Variants in KCNQ1 observed in about 807,000 individuals in gnomAD.
KCNQ1 encodes potassium voltage-gated channel subfamily KQT member 1.
A neutral mutation model predicts 72.4 loss-of-function variants in KCNQ1; 49 were observed. The ratio of observed to expected loss-of-function variants is 0.68; its 90% CI spans 0.54 to 0.86. The LOEUF is 0.86. Among genes scored for constraint, KCNQ1 ranks in the 40% least tolerant of loss-of-function variants. The pLI is 0.00. For missense variants in KCNQ1, 790 were observed against 945.1 expected (o/e 0.84, Z 2.15); for synonymous variants, 450 against 412.6 (o/e 1.09, Z -1.10).
chr11:2,841,720 G>A (rs1178622299), intron 15 of KCNQ1, among the ~76,000 whole-genome samples: 2 of 152,236 alleles, frequency 1.3e-5, no homozygotes, highest in African/African-American at 4.8e-5. Context: ...GGGAACGAGG[G>A]TCGTGTGGTG....
chr11:2,839,026 AG>A, intron 15 of KCNQ1, among the ~76,000 whole-genome samples: 1 of 151,808 alleles, frequency 6.6e-6, no homozygotes, highest in South Asian at 2.1e-4. Flanking sequence ...GCAGGTGGGC[AG>A]GTGGGCAGGT....
At chr11:2,506,862 T>G (rs1847113373) in intron 1 of KCNQ1, among the ~76,000 whole-genome samples, 1 of 152,244 alleles carries the variant, frequency 6.6e-6, no homozygotes, top group South Asian at 2.1e-4. Flanking sequence ...AAGTCATGTG[T>G]GTGTGTATTT....
chr11:2,660,167 T>G, intron 10 of KCNQ1: 1 of 398,350 alleles, frequency 2.5e-6, no homozygotes, highest in Non-Finnish European at 4.4e-6. Flanking sequence ...AGATATTTTA[T>G]GGTTTTATGT....
chr11:2,663,598 G>A lies in KCNQ1; in HGVS notation c.1514+1517G>A, dbSNP rs1362777296. On this transcript the variant is annotated intron_variant, in intron 11 of 15. Transcript: ENST00000155840. This position sits in a 1 kb window ranked among gnomAD's most constrained non-coding sequence, Gnocchi z 5.2. ...TCCTGTTGGAGCTCTCGCTCACCTTGGTTCTCTTGGTCACGGACCAGCATC... is the reference window on the plus strand; with the variant it reads ...TCCTGTTGGAGCTCTCGCTCACCTTAGTTCTCTTGGTCACGGACCAGCATC... 2.5e-6 allele frequency: 1 copy of A among 398,524 alleles called. No homozygotes were observed. The highest frequency in any genetic ancestry group is 2.1e-5 in the African/African-American group (1 of 48,616). 24.7% of individuals were successfully genotyped at this position (398,524 alleles called of 1,614,324 possible).
chr11:2,627,891 C>A lies in KCNQ1; in HGVS notation c.1394-34070C>A, dbSNP rs1359476363. On this transcript the variant is annotated intron_variant, in intron 10 of 15. Coordinates refer to ENST00000155840, the MANE Select transcript of KCNQ1 (RefSeq NM_000218.3). The surrounding 1 kb of genome is among the most constrained non-coding windows in gnomAD (Gnocchi z 4.9). ...TCAGCCTCCTGAGTAGCTGGGACCA[C>A]AGTCATGCACCCCCATGCCCAGCTA... 2.0e-5 allele frequency: 8 copies of A among 398,602 alleles called. No homozygotes were observed. The highest frequency in any genetic ancestry group is 3.1e-5 in the Non-Finnish European group (7 of 226,190). The allele number at this position is 398,602 out of a possible 1,614,324, so 24.7% of individuals were successfully genotyped here.
chr11:2,648,965 T>A (rs1182422630), intron 10 of KCNQ1: 1 of 394,104 alleles, frequency 2.5e-6, no homozygotes, highest in Non-Finnish European at 4.4e-6. Context: ...ACCTCCTTTG[T>A]CTCTTTTTTC....
At position 2,486,866 on chromosome 11, in the gene KCNQ1, A is replaced by T. The variant is rs939347598; in HGVS notation, c.387-41062A>T. 6.6e-6 allele frequency among the ~76,000 whole-genome samples: 1 copy of T among 152,156 alleles called. No individual in the cohort carries two copies. Among genetic ancestry groups the T allele is most frequent in the Non-Finnish European group, 1.5e-5 (1 of 68,014 alleles). On this transcript the variant is annotated intron_variant, in intron 1 of 15. Transcript: ENST00000155840. This position sits in a 1 kb window ranked among gnomAD's most constrained non-coding sequence, Gnocchi z 5.0. ...CAGCACCCACCAGGCCCCACCTCCA[A>T]CGCTGGGGATCACATTTCAACATGA...
intron 12 of KCNQ1, among the ~76,000 whole-genome samples, chr11:2,775,238 G>T (rs1190424859): frequency 1.3e-5 from 2 of 152,214 alleles, no homozygotes; most frequent in Non-Finnish European, 2.9e-5. Context: ...GATATCATGA[G>T]ATGCTTTGTT....
At position 2,500,714 on chromosome 11, in the gene KCNQ1, G is replaced by C. The variant is rs898266536; in HGVS notation, c.387-27214G>C. ...CAGCCATAAAAAAAGATGAGTTTAT[G>C]TTCTTTTCAGGGACACGGATGAAGC... On this transcript the variant is annotated intron_variant, in intron 1 of 15. Coordinates refer to ENST00000155840, the MANE Select transcript of KCNQ1 (RefSeq NM_000218.3). 2.0e-5 allele frequency among the ~76,000 whole-genome samples: 3 copies of C among 152,228 alleles called. No individual in the cohort carries two copies. In the South Asian group the frequency reaches 6.2e-4, roughly 32 times the overall value.
chr11:2,700,095 G>A (rs889164219), intron 11 of KCNQ1: 51 of 397,678 alleles, frequency 1.3e-4, no homozygotes, highest in Admixed American at 3.5e-4. Context: ...GGCTTGCGGC[G>A]GGCTGCTGCA....
chr11:2,633,876 C>T, intron 10 of KCNQ1: 1 of 398,546 alleles, frequency 2.5e-6, no homozygotes, highest in Non-Finnish European at 4.4e-6. Context: ...AAATGTCAGT[C>T]ATCTGTATAC....
At chr11:2,648,994 T>C in intron 10 of KCNQ1, 1 of 393,960 alleles carries the variant, frequency 2.5e-6, no homozygotes, top group Non-Finnish European at 4.4e-6. Context: ...TTTTTTTTTT[T>C]TTTTTTTTTT....
intron 11 of KCNQ1, chr11:2,680,533 T>C (rs1850378427): frequency 1.0e-5 from 4 of 398,484 alleles, no homozygotes; most frequent in African/African-American, 8.2e-5. Flanking sequence ...TGTACATTTC[T>C]CATGCAGTTC....
In KCNQ1 at chr11:2,772,135, C is replaced by A. The variant is rs182967998; in HGVS notation, c.1590+3216C>A. On this transcript the variant is annotated intron_variant, in intron 12 of 15. Transcript: ENST00000155840. The surrounding 1 kb of genome is among the most constrained non-coding windows in gnomAD (Gnocchi z 6.6). Reference sequence around the variant, plus strand: ...GGCCAGGGTGAGGGGAGCAGTAGCCCGTGGCAGTGAGGAGCTGTGTGTGGC... The same window carrying A: ...GGCCAGGGTGAGGGGAGCAGTAGCCAGTGGCAGTGAGGAGCTGTGTGTGGC... 8.5e-5 allele frequency among the ~76,000 whole-genome samples: 13 copies of A among 152,206 alleles called. No individual in the cohort carries two copies. The East Asian group carries it at 2.5e-3, about 29-fold the overall frequency.
rs1349495780 is a variant in KCNQ1, at chr11:2,813,730, G to A, written c.1795-34037G>A. ...ATCAGTGCCTTTTGATCTTGTTGCC[G>A]CAAGATACACAGGAGGCAGCTGCTC... is the stretch of plus-strand genomic sequence containing the variant. On this transcript the variant is annotated intron_variant, in intron 15 of 15. Transcript: ENST00000155840. The surrounding 1 kb of genome is among the most constrained non-coding windows in gnomAD (Gnocchi z 4.4). Among the ~76,000 whole-genome samples, 2 of 152,226 alleles carry A rather than the reference G, an allele frequency of 1.3e-5. No individual in the cohort carries two copies. Among genetic ancestry groups the A allele is most frequent in the Middle Eastern group, 3.4e-3 (1 of 294 alleles).
chr11:2,619,909 T>C (rs1313127380), intron 10 of KCNQ1: 1 of 398,298 alleles, frequency 2.5e-6, no homozygotes, highest in Non-Finnish European at 4.4e-6. Flanking sequence ...ATATGTTGCA[T>C]GGTATATGGA....
intron 10 of KCNQ1, among the ~76,000 whole-genome samples, chr11:2,591,141 G>A (rs1848665277): frequency 6.6e-6 from 1 of 152,232 alleles, no homozygotes; most frequent in South Asian, 2.1e-4. Context: ...GGCAGAGAGG[G>A]GACAAACCCA....
At chr11:2,810,449 C>CTTTTTTT (rs201954335) in intron 15 of KCNQ1, among the ~76,000 whole-genome samples, 1 of 152,172 alleles carries the variant, frequency 6.6e-6, no homozygotes. Flanking sequence ...CTTTCTTCCC[C>CTTTTTTT]TTTTTTATGG....
chr11:2,528,125 T>A, intron 2 of KCNQ1, 107 bp downstream of exon 2: 1 of 960,846 alleles, frequency 1.0e-6, no homozygotes, highest in Non-Finnish European at 1.7e-6. Flanking sequence ...TCCCAGCCCC[T>A]TGCCCACACA....
Sources: gnomAD v4.1 joint callset for allele counts (sites outside exome capture counted in the v4.1 genomes callset) on GRCh38, gnomAD v4.1.1 for gene constraint, Gnocchi (gnomAD v3.1) non-coding constraint, MANE v1.5 for transcripts, NCBI Gene and HGNC (gene_info 2026-07-23, HGNC 2026-07-21) for gene names.